Variants in VTCN1 observed in about 807,000 individuals in gnomAD.
The protein encoded by VTCN1 is V-set domain containing T cell activation inhibitor 1, also known as V-set domain-containing T-cell activation inhibitor 1.
Under a neutral mutation model 26.5 loss-of-function variants are expected in VTCN1, and 26 were observed. That is an observed-to-expected ratio of 0.98 (90% CI 0.72 to 1.36). The LOEUF (loss-of-function observed/expected upper bound fraction) is 1.36, where lower values mean the gene tolerates loss of function less well. Among genes scored for constraint, VTCN1 ranks in the 40% most tolerant of loss-of-function variants. The probability of loss-of-function intolerance (pLI) is 0.00; values close to 1 mark genes in which losing one functional copy is unlikely to be tolerated. For missense variants in VTCN1, 298 were observed against 337.7 expected (o/e 0.88, Z 0.92); for synonymous variants, 116 against 130.7 (o/e 0.89, Z 0.77).
intron 4 of VTCN1, among the ~76,000 whole-genome samples, chr1:117,149,550 A>AT (rs1342531539): frequency 1.3e-5 from 2 of 150,796 alleles, no homozygotes; most frequent in African/African-American, 2.4e-5. Flanking sequence ...TATCCAAACC[A>AT]TTTTTTTTCT....
chr1:117,205,753 C>T (rs561925144), intron 1 of VTCN1, among the ~76,000 whole-genome samples: 1 of 152,340 alleles, frequency 6.6e-6, no homozygotes, highest in African/African-American at 2.4e-5. Context: ...ATGTTGGTTC[C>T]TGCCATTGGC....
At chr1:117,210,434 G>A (rs889488717) in intron 1 of VTCN1, among the ~76,000 whole-genome samples, 1 of 152,126 alleles carries the variant, frequency 6.6e-6, no homozygotes, top group African/African-American at 2.4e-5. Flanking sequence ...CTCCACTGTC[G>A]CAGTCATGGA....
intron 1 of VTCN1, among the ~76,000 whole-genome samples, chr1:117,186,840 C>A (rs1248257731): frequency 6.6e-6 from 1 of 152,208 alleles, no homozygotes; most frequent in African/African-American, 2.4e-5. Context: ...CCAGCCTGGG[C>A]AACATACCTG....
In VTCN1 at chr1:117,199,949, A is replaced by G. The variant is rs187657051; in HGVS notation, c.32+10875T>C. Among the ~76,000 whole-genome samples the G allele has an allele frequency of 2.0e-5, 3 of 152,318 alleles. No homozygotes were observed. The East Asian group carries it at 5.8e-4, about 29-fold the overall frequency. ...ACGCCCAGCCTGCAGGGATTCTTTT[A>G]ACTGTAAAATTGCTTTAAAATTTTG... On this transcript the variant is annotated intron_variant, in intron 1 of 5. Coordinates refer to ENST00000369458, the MANE Select transcript of VTCN1 (RefSeq NM_024626.4).
chr1:117,176,663 T>G (rs1647368931), intron 1 of VTCN1, among the ~76,000 whole-genome samples: 1 of 152,222 alleles, frequency 6.6e-6, no homozygotes, highest in African/African-American at 2.4e-5. Flanking sequence ...GTTTTGCAAA[T>G]GTGTGATTTA....
intron 2 of VTCN1, among the ~76,000 whole-genome samples, chr1:117,168,048 T>C (rs1414486435): frequency 2.0e-5 from 3 of 151,748 alleles, no homozygotes; most frequent in Admixed American, 2.0e-4. Flanking sequence ...TAAATTAACA[T>C]AGGAAATCAA....
At chr1:117,152,994 T>G (rs1651872629) in intron 4 of VTCN1, 97 bp downstream of exon 4, 3 of 1,394,780 alleles carry the variant, frequency 2.2e-6, no homozygotes, top group Admixed American at 2.2e-5. Context: ...CTCTAGAGAT[T>G]TTTGTGCCTT....
At chr1:117,148,342 C>T (rs1181160872) in intron 4 of VTCN1, among the ~76,000 whole-genome samples, 2 of 152,162 alleles carry the variant, frequency 1.3e-5, no homozygotes, top group African/African-American at 4.8e-5. Flanking sequence ...AATGTATGTG[C>T]TCCAGTTTCT....
chr1:117,158,415 C>T (rs370914433), intron 2 of VTCN1, among the ~76,000 whole-genome samples: 36 of 152,180 alleles, frequency 2.4e-4, no homozygotes, highest in African/African-American at 7.2e-4. Context: ...TAGAAGCTGC[C>T]GAGACTTGGG....
rs1036448135 is a variant in VTCN1, at chr1:117,161,393, C to A, written c.98-4472G>T. Reference sequence around the variant, plus strand: ...TCAGATGGCAGCCCTCCCATGAAATCCTCTTTTAATTCACCAAAGGAAAAA... The same window carrying A: ...TCAGATGGCAGCCCTCCCATGAAATACTCTTTTAATTCACCAAAGGAAAAA... On this transcript the variant is annotated intron_variant, in intron 2 of 5. Coordinates refer to ENST00000369458, the MANE Select transcript of VTCN1 (RefSeq NM_024626.4). This position sits in a 1 kb window ranked among gnomAD's most constrained non-coding sequence, Gnocchi z 4.3. 6.6e-6 allele frequency among the ~76,000 whole-genome samples: 1 copy of A among 152,154 alleles called. No individual in the cohort carries two copies. The highest frequency in any genetic ancestry group is 2.1e-4 in the South Asian group (1 of 4,828).
At chr1:117,199,241 T>A (rs1648673127) in intron 1 of VTCN1, among the ~76,000 whole-genome samples, 1 of 152,122 alleles carries the variant, frequency 6.6e-6, no homozygotes, top group African/African-American at 2.4e-5. Flanking sequence ...TCTATAGGAT[T>A]TTTGAAATCC....
Position 117,145,321 on chromosome 1 carries a change from T to C in VTCN1, c.*46-96A>G, listed in dbSNP as rs527509755. 1.3e-5 allele frequency: 2 copies of C among 152,304 alleles called. No homozygotes were observed. Among genetic ancestry groups the C allele is most frequent in the South Asian group, 4.2e-4 (2 of 4,816 alleles). 9.4% of individuals were successfully genotyped at this position (152,304 alleles called of 1,614,324 possible). A position where few individuals can be genotyped will look rare whatever the true frequency, so the allele number is the denominator to read the frequency against. On this transcript the variant is annotated intron_variant, in intron 5 of 5. Transcript: ENST00000369458. The surrounding 1 kb of genome is among the most constrained non-coding windows in gnomAD (Gnocchi z 4.6). The stretch of plus-strand genomic sequence containing the variant: ...AGCTTCCCTGCCACTGCGTGGTGTA[T>C]CTCTTGTTTAGAAAGGGGCTTATTT...
At chr1:117,196,777 A>G (rs190786934) in intron 1 of VTCN1, among the ~76,000 whole-genome samples, 1 of 152,292 alleles carries the variant, frequency 6.6e-6, no homozygotes, top group African/African-American at 2.4e-5. Flanking sequence ...ATTATAGATA[A>G]CTTGTTTTTC....
chr1:117,183,273 A>G lies in VTCN1; in HGVS notation c.33-13102T>C, dbSNP rs564117303. 1.3e-5 allele frequency among the ~76,000 whole-genome samples: 2 copies of G among 152,316 alleles called. No individual in the cohort carries two copies. Among genetic ancestry groups the G allele is most frequent in the Admixed American group, 1.3e-4 (2 of 15,300 alleles). ...TTCAAGTTCTTGGAACATGCAAGGA[A>G]CTTACCAAATGCTTGTTGAATAAAT... On this transcript the variant is annotated intron_variant, in intron 1 of 5. Coordinates refer to ENST00000369458, the MANE Select transcript of VTCN1 (RefSeq NM_024626.4). This position sits in a 1 kb window ranked among gnomAD's most constrained non-coding sequence, Gnocchi z 4.1.
At chr1:117,180,115 C>A (rs999039446) in intron 1 of VTCN1, among the ~76,000 whole-genome samples, 1 of 152,102 alleles carries the variant, frequency 6.6e-6, no homozygotes, top group Non-Finnish European at 1.5e-5. Context: ...AAAAAAATTT[C>A]TCTCCCCCCC....
At chr1:117,157,040 A>C (rs1652119401) in intron 2 of VTCN1, 119 bp from the exon 3 acceptor site, 2 of 1,579,816 alleles carry the variant, frequency 1.3e-6, no homozygotes, top group Non-Finnish European at 1.7e-6. Context: ...ACAGAAGAAC[A>C]TGAGAGGCAA....
chr1:117,164,628 G>C (rs1394691579), intron 2 of VTCN1, among the ~76,000 whole-genome samples: 1 of 152,158 alleles, frequency 6.6e-6, no homozygotes, highest in Non-Finnish European at 1.5e-5. Flanking sequence ...CAATGACCCT[G>C]CCTATTTTAC....
intron 1 of VTCN1, among the ~76,000 whole-genome samples, chr1:117,190,884 A>G (rs1648212650): frequency 6.6e-6 from 1 of 152,250 alleles, no homozygotes; most frequent in African/African-American, 2.4e-5. Flanking sequence ...CAAACGTGAC[A>G]CCACCAAAGA....
chr1:117,184,207 C>T (rs867717893), intron 1 of VTCN1, among the ~76,000 whole-genome samples: 1 of 152,176 alleles, frequency 6.6e-6, no homozygotes, highest in African/African-American at 2.4e-5. Flanking sequence ...GGTACTCCCC[C>T]TGCCCCAGCT....
Sources: allele counts gnomAD v4.1 joint callset (sites outside exome capture counted in the v4.1 genomes callset), GRCh38; gene constraint gnomAD v4.1.1; non-coding constraint Gnocchi (gnomAD v3.1); transcripts MANE v1.5; gene names NCBI Gene and HGNC (gene_info 2026-07-23, HGNC 2026-07-21).